The following PLA2G4A variants were observed in gnomAD, a reference collection of about 807,000 sequenced individuals.
PLA2G4A encodes the protein cytosolic phospholipase A2.
In PLA2G4A, 40 loss-of-function variants were observed where a neutral mutation model predicts 81.9. The observed-to-expected ratio is 0.49, with a 90% CI of 0.38 to 0.64. The LOEUF (loss-of-function observed/expected upper bound fraction) is 0.64. Among genes scored for constraint, PLA2G4A ranks in the 30% least tolerant of loss-of-function variants. PLA2G4A has a pLI of 0.00. For missense variants in PLA2G4A, 715 were observed against 905.1 expected, an observed-to-expected ratio of 0.79 and a Z score of 2.69; for synonymous variants, 302 against 296.9, an observed-to-expected ratio of 1.02 and a Z score of -0.18.
At chr1:186,911,416 C>T in intron 7 of PLA2G4A, 27 bp downstream of exon 7, 1 of 1,526,868 alleles carries the variant, frequency 6.5e-7, no homozygotes, top group South Asian at 1.1e-5. Context: ...TCAAGTGTTA[C>T]TATACTTTAA....
chr1:186,943,022 T>G (rs1320565522), intron 10 of PLA2G4A, among the ~76,000 whole-genome samples: 1 of 152,194 alleles, frequency 6.6e-6, no homozygotes, highest in Non-Finnish European at 1.5e-5. Context: ...AAAAAAAGAA[T>G]AGAGACACGT....
intron 7 of PLA2G4A, among the ~76,000 whole-genome samples, chr1:186,929,363 G>T (rs1292502582): frequency 2.0e-5 from 3 of 152,208 alleles, no homozygotes; most frequent in African/African-American, 7.2e-5. Flanking sequence ...ATGAGAGAGT[G>T]CAAGGCACAT....
intron 5 of PLA2G4A, among the ~76,000 whole-genome samples, chr1:186,895,363 G>T (rs551093408): frequency 5.3e-5 from 8 of 152,262 alleles, no homozygotes; most frequent in South Asian, 2.1e-4. Context: ...TGCACTCCTT[G>T]GTGCTTCCAC....
rs979322391 is a variant in PLA2G4A at position 186,959,276 on chromosome 1, C to T, written c.1579+2932C>T. On this transcript the variant is annotated intron_variant, in intron 14 of 17. Coordinates refer to ENST00000367466, the MANE Select transcript of PLA2G4A (RefSeq NM_024420.3). Reference sequence around the variant, plus strand: ...GAATAATAGTTGTACACCACCTTGTCGACTCCTTTCTTCATTTAGTGCCCT... The same window carrying T: ...GAATAATAGTTGTACACCACCTTGTTGACTCCTTTCTTCATTTAGTGCCCT... Among the ~76,000 whole-genome samples, 9 of 152,138 alleles carry T rather than the reference C, an allele frequency of 5.9e-5. No homozygotes were observed. The East Asian group carries it at 1.4e-3, about 23-fold the overall frequency.
At chr1:186,884,359 G>A (rs1232953041) in intron 3 of PLA2G4A, among the ~76,000 whole-genome samples, 1 of 150,300 alleles carries the variant, frequency 6.7e-6, no homozygotes, top group Non-Finnish European at 1.5e-5. Context: ...TGTTTTAGCA[G>A]CCATGTGGAG....
At chr1:186,970,337 T>A (rs1435711525) in intron 15 of PLA2G4A, among the ~76,000 whole-genome samples, 1 of 152,104 alleles carries the variant, frequency 6.6e-6, no homozygotes, top group Non-Finnish European at 1.5e-5. Flanking sequence ...CTGCAAATAT[T>A]TTCTCCCATT....
intron 17 of PLA2G4A, among the ~76,000 whole-genome samples, chr1:186,981,661 C>T (rs937579107): frequency 6.6e-6 from 1 of 152,204 alleles, no homozygotes; most frequent in African/African-American, 2.4e-5. Flanking sequence ...ACCCCACCAT[C>T]TATCTCCAGA....
intron 8 of PLA2G4A, among the ~76,000 whole-genome samples, chr1:186,936,158 GAACAGCTCTGCATCTATA>G (rs1409456993): frequency 6.6e-6 from 1 of 151,854 alleles, no homozygotes. Context: ...AAAGAAATCA[GAACAGCTCTGCATCTATA>G]AACAGTGTGG....
intron 2 of PLA2G4A, among the ~76,000 whole-genome samples, chr1:186,869,442 A>G (rs12720505): frequency 0.054 from 8,202 of 152,224 alleles, 742 homozygotes; most frequent in African/African-American, 0.19. Flanking sequence ...ATAAATTGAA[A>G]TATTAATTAC....
intron 15 of PLA2G4A, among the ~76,000 whole-genome samples, chr1:186,965,849 G>A (rs1657109471): frequency 1.3e-5 from 2 of 152,136 alleles, no homozygotes; most frequent in South Asian, 4.1e-4. Flanking sequence ...AGTTTAGAAA[G>A]GAAATGAGGC....
chr1:186,838,688 T>C (rs1219886747), intron 1 of PLA2G4A, among the ~76,000 whole-genome samples: 1 of 152,220 alleles, frequency 6.6e-6, no homozygotes, highest in Non-Finnish European at 1.5e-5. Flanking sequence ...AAGTTCTGAA[T>C]GATTAACTGT....
intron 7 of PLA2G4A, among the ~76,000 whole-genome samples, chr1:186,932,359 G>C (rs560634700): frequency 6.7e-6 from 1 of 149,050 alleles, no homozygotes; most frequent in Non-Finnish European, 1.5e-5. Flanking sequence ...GCAATGGCAC[G>C]ATCTTGGCTC....
intron 15 of PLA2G4A, among the ~76,000 whole-genome samples, chr1:186,971,804 G>A (rs1219293816): frequency 6.6e-6 from 1 of 151,902 alleles, no homozygotes; most frequent in Non-Finnish European, 1.5e-5. Flanking sequence ...AATTTGCGAG[G>A]AGTCTACATA....
At chr1:186,902,225 T>A (rs1344657441) in intron 5 of PLA2G4A, among the ~76,000 whole-genome samples, 1 of 152,176 alleles carries the variant, frequency 6.6e-6, no homozygotes, top group African/African-American at 2.4e-5. Context: ...AGCATTATAA[T>A]CTTATGGGGA....
chr1:186,963,391 TTC>T (rs1333875410), intron 14 of PLA2G4A, among the ~76,000 whole-genome samples: 1 of 152,188 alleles, frequency 6.6e-6, no homozygotes, highest in East Asian at 1.9e-4. Flanking sequence ...GCAAAGTGCA[TTC>T]TCACTACTGT....
intron 1 of PLA2G4A, among the ~76,000 whole-genome samples, chr1:186,830,436 C>T (rs1289809958): frequency 6.6e-6 from 1 of 151,558 alleles, no homozygotes; most frequent in African/African-American, 2.4e-5. Flanking sequence ...GGTGAAACCC[C>T]ATCTCTACTA....
intron 17 of PLA2G4A, among the ~76,000 whole-genome samples, chr1:186,987,083 T>A (rs866736296): frequency 1.9e-4 from 29 of 152,390 alleles, no homozygotes; most frequent in Middle Eastern, 3.4e-3. Flanking sequence ...TTTTTAAAGT[T>A]ACTATTAGAG....
chr1:186,841,345 G>T (rs1651972203), intron 1 of PLA2G4A, among the ~76,000 whole-genome samples: 1 of 152,030 alleles, frequency 6.6e-6, no homozygotes, highest in African/African-American at 2.4e-5. Context: ...ACAGTAACTT[G>T]GTAACTTAAG....
At chr1:186,949,572 T>G (rs1656477190) in intron 12 of PLA2G4A, among the ~76,000 whole-genome samples, 1 of 152,218 alleles carries the variant, frequency 6.6e-6, no homozygotes, top group Non-Finnish European at 1.5e-5. Context: ...AGCCATGAAA[T>G]GAAACTAATA....
Sources: allele counts gnomAD v4.1 joint callset (sites outside exome capture counted in the v4.1 genomes callset), GRCh38; gene constraint gnomAD v4.1.1; transcripts MANE v1.5; gene names NCBI Gene and HGNC (gene_info 2026-07-23, HGNC 2026-07-21).